PDGFC: variants seen among roughly 807,000 people sequenced by gnomAD.
The protein encoded by PDGFC is platelet derived growth factor C.
Under a neutral mutation model 35.5 loss-of-function variants are expected in PDGFC, and 12 were observed. The ratio of observed to expected loss-of-function variants is 0.34; its 90% CI spans 0.22 to 0.55. The LOEUF (loss-of-function observed/expected upper bound fraction) is 0.55, where lower values mean the gene tolerates loss of function less well. Among genes scored for constraint, PDGFC ranks in the 20% least tolerant of loss-of-function variants. The pLI is 0.91. For missense variants in PDGFC, 322 were observed against 412.4 expected, an observed-to-expected ratio of 0.78 and a Z score of 1.90; for synonymous variants, 159 against 148.8, an observed-to-expected ratio of 1.07 and a Z score of -0.50.
intron 3 of PDGFC, among the ~76,000 whole-genome samples, chr4:156,797,374 A>G (rs1731474337): frequency 6.6e-6 from 1 of 152,172 alleles, no homozygotes; most frequent in Non-Finnish European, 1.5e-5. Context: ...ATAGGTTCAG[A>G]GCAACTCCAG....
chr4:156,942,830 T>C (rs913258018), intron 1 of PDGFC, among the ~76,000 whole-genome samples: 1 of 151,756 alleles, frequency 6.6e-6, no homozygotes, highest in African/African-American at 2.4e-5. Context: ...TGGATATGAA[T>C]GATTATGAAT....
At chr4:156,828,648 A>G (rs972114135) in intron 2 of PDGFC, among the ~76,000 whole-genome samples, 2 of 152,150 alleles carry the variant, frequency 1.3e-5, no homozygotes, top group African/African-American at 4.8e-5. Context: ...ATATGCATGT[A>G]TATATAATTG....
chr4:156,850,302 A>G lies in PDGFC; in HGVS notation c.233T>C (p.Val78Ala). 1 of 1,611,220 alleles carries G rather than the reference A, an allele frequency of 6.2e-7. No homozygotes were observed. Among genetic ancestry groups the G allele is most frequent in the Non-Finnish European group, 8.5e-7 (1 of 1,177,976 alleles). ...PRNTVLVWRLVAVEENVWIQL... is the reference protein window; with the variant it reads ...PRNTVLVWRLAAVEENVWIQL... ...TATCCATACATTTTCCTCTACTGCT[A>G]CTAATCTCCATACCAAGACCGTATT... is the stretch of plus-strand genomic sequence containing the variant. Residue 78 changes from valine (V) to alanine (A), a missense_variant, in exon 2 of 6, where the codon GTA (valine) becomes GCA (alanine). Physicochemically the swap from Val to Ala is moderately conservative, Grantham distance 64 (BLOSUM62 0). This residue lies in a region of PDGFC where 120 missense variants were observed against 116.6 expected (regional missense o/e 1.03). Coordinates refer to ENST00000502773, the MANE Select transcript of PDGFC (RefSeq NM_016205.3).
intron 1 of PDGFC, among the ~76,000 whole-genome samples, chr4:156,953,851 C>T (rs1187947084): frequency 1.3e-5 from 2 of 151,884 alleles, no homozygotes; most frequent in Non-Finnish European, 2.9e-5. Flanking sequence ...CTAAGAATAC[C>T]AGGACACAAT....
At chr4:156,865,088 T>C (rs1374930274) in intron 1 of PDGFC, among the ~76,000 whole-genome samples, 1 of 152,114 alleles carries the variant, frequency 6.6e-6, no homozygotes, top group Non-Finnish European at 1.5e-5. Flanking sequence ...ACTTTATCTA[T>C]GAAATGAAGG....
At chr4:156,855,335 A>G (rs907632737) in intron 1 of PDGFC, among the ~76,000 whole-genome samples, 5 of 152,208 alleles carry the variant, frequency 3.3e-5, no homozygotes, top group African/African-American at 1.2e-4. Context: ...GTTTCTGGAT[A>G]ATATGCAACT....
intron 2 of PDGFC, among the ~76,000 whole-genome samples, chr4:156,815,464 T>C (rs1445364909): frequency 6.6e-6 from 1 of 152,104 alleles, no homozygotes; most frequent in Non-Finnish European, 1.5e-5. Context: ...TCGTCTGCTT[T>C]AACAACTTGA....
chr4:156,831,225 G>A (rs947204111), intron 2 of PDGFC, among the ~76,000 whole-genome samples: 7 of 152,104 alleles, frequency 4.6e-5, no homozygotes, highest in African/African-American at 1.7e-4. Flanking sequence ...TTGTGCTGTT[G>A]AAATATCCCC....
intron 1 of PDGFC, among the ~76,000 whole-genome samples, chr4:156,959,974 G>C (rs1292128982): frequency 6.6e-6 from 1 of 151,848 alleles, no homozygotes; most frequent in Non-Finnish European, 1.5e-5. Context: ...AATAAGAATA[G>C]AGATGACTTA....
At chr4:156,793,443 T>C (rs1731349606) in intron 3 of PDGFC, among the ~76,000 whole-genome samples, 1 of 150,968 alleles carries the variant, frequency 6.6e-6, no homozygotes, top group African/African-American at 2.4e-5. Context: ...GTGAAATCAA[T>C]TTAGTGCATT....
chr4:156,872,372 T>G (rs1730006137), intron 1 of PDGFC, among the ~76,000 whole-genome samples: 1 of 152,212 alleles, frequency 6.6e-6, no homozygotes. Context: ...ATTTACTTTT[T>G]CTAGCACATA....
intron 1 of PDGFC, among the ~76,000 whole-genome samples, chr4:156,945,342 C>CATATAT (rs201167463): frequency 1.1e-3 from 88 of 81,038 alleles, no homozygotes; most frequent in Non-Finnish European, 1.9e-3. Context: ...CATATACATA[C>CATATAT]ATATATATAT....
At chr4:156,906,785 T>C (rs1730925109) in intron 1 of PDGFC, among the ~76,000 whole-genome samples, 1 of 152,142 alleles carries the variant, frequency 6.6e-6, no homozygotes, top group Non-Finnish European at 1.5e-5. Context: ...CAACAAAAAT[T>C]AATAAAAGTT....
intron 3 of PDGFC, among the ~76,000 whole-genome samples, chr4:156,777,275 GA>G (rs1208499386): frequency 1.3e-5 from 2 of 152,174 alleles, no homozygotes; most frequent in African/African-American, 2.4e-5. Flanking sequence ...TCCGTGCTTA[GA>G]AAACTGATAC....
intron 1 of PDGFC, among the ~76,000 whole-genome samples, chr4:156,949,451 CTCTT>C (rs1271065786): frequency 6.6e-6 from 1 of 151,740 alleles, no homozygotes; most frequent in East Asian, 1.9e-4. Context: ...TTCTCTCTCG[CTCTT>C]TCTCTCTCTC....
chr4:156,874,168 G>A (rs570578794), intron 1 of PDGFC, among the ~76,000 whole-genome samples: 20 of 152,246 alleles, frequency 1.3e-4, no homozygotes, highest in Admixed American at 3.9e-4. Flanking sequence ...TCTCTGATAC[G>A]TGACATTAAC....
intron 1 of PDGFC, among the ~76,000 whole-genome samples, chr4:156,949,668 A>G (rs1204590049): frequency 6.6e-6 from 1 of 151,904 alleles, no homozygotes; most frequent in Non-Finnish European, 1.5e-5. Flanking sequence ...CTAGCCAAGA[A>G]ATTTTCTACA....
At chr4:156,862,043 C>G (rs867490838) in intron 1 of PDGFC, among the ~76,000 whole-genome samples, 1 of 151,622 alleles carries the variant, frequency 6.6e-6, no homozygotes, top group Non-Finnish European at 1.5e-5. Context: ...GAATAAGTTT[C>G]TTCTTGCTAT....
chr4:156,763,639 T>G (rs1169271060), intron 5 of PDGFC, among the ~76,000 whole-genome samples: 4 of 152,238 alleles, frequency 2.6e-5, no homozygotes, highest in Non-Finnish European at 4.4e-5. Context: ...TACACTCAAG[T>G]GCAGAAATAC....
Sources: gnomAD v4.1 joint callset for allele counts (sites outside exome capture counted in the v4.1 genomes callset) on GRCh38, gnomAD v4.1.1 for gene constraint, gnomAD v4.1.1 regional missense constraint, MANE v1.5 for transcripts, NCBI Gene and HGNC (gene_info 2026-07-23, HGNC 2026-07-21) for gene names.